ANO1: variants seen among roughly 807,000 people sequenced by gnomAD.
ANO1 encodes the protein anoctamin 1.
Under a neutral mutation model 124.0 loss-of-function variants are expected in ANO1, and 59 were observed. The ratio of observed to expected loss-of-function variants is 0.48; its 90% CI spans 0.39 to 0.59. The LOEUF is 0.59. ANO1 is among the 20% of genes least tolerant of loss of function. The pLI, the probability that ANO1 is intolerant of heterozygous loss-of-function variation, is 0.00. For synonymous variants in ANO1, 529 were observed against 532.0 expected, an observed-to-expected ratio of 0.99 and a Z score of 0.08; for missense variants, 1,059 against 1,328.0, an observed-to-expected ratio of 0.80 and a Z score of 3.15.
chr11:69,976,275 C>A, the ANO1 span, among the ~76,000 whole-genome samples: 5 of 152,012 alleles, frequency 3.3e-5, no homozygotes, highest in African/African-American at 1.2e-4. Context: ...TTTGGGAGGC[C>A]AGGGCGGGCG....
chr11:69,969,171 C>A, the ANO1 span, among the ~76,000 whole-genome samples: 2 of 152,162 alleles, frequency 1.3e-5, no homozygotes, highest in African/African-American at 4.8e-5. Flanking sequence ...ACGGGAGGGT[C>A]CCTCATAGGG....
chr11:70,153,617 G>C (rs1471794781), intron 14 of ANO1, among the ~76,000 whole-genome samples: 1 of 152,188 alleles, frequency 6.6e-6, no homozygotes, highest in Non-Finnish European at 1.5e-5. Context: ...ATGAGGGTGA[G>C]ACATGTTTTG....
At chr11:70,170,033 C>T (rs758603990) in intron 21 of ANO1, 36 of 396,390 alleles carry the variant, frequency 9.1e-5, no homozygotes, top group South Asian at 6.6e-4. Context: ...AGAGGCAGCT[C>T]CCGGGTGGGA....
At chr11:70,145,467 T>C (rs2047333056) in intron 11 of ANO1, among the ~76,000 whole-genome samples, 1 of 152,166 alleles carries the variant, frequency 6.6e-6, no homozygotes, top group South Asian at 2.1e-4. Context: ...CTTTATTTTT[T>C]AAACGTGTCT....
chr11:70,120,454 C>T (rs146872431), intron 8 of ANO1, among the ~76,000 whole-genome samples: 2,349 of 152,202 alleles, frequency 0.015, 74 homozygotes, highest in African/African-American at 0.053. Flanking sequence ...ACCACCTGGG[C>T]CCTGTTGGGG....
intron 11 of ANO1, among the ~76,000 whole-genome samples, chr11:70,136,322 G>A (rs570610006): frequency 1.3e-5 from 2 of 152,152 alleles, no homozygotes; most frequent in African/African-American, 2.4e-5. Context: ...GCAGGAACCC[G>A]CACCAGTCAA....
rs540551294 is a variant in ANO1, at chr11:70,095,346, AAAAGAAAGAAAGAAAG to A, written c.441+7330_441+7345del. The stretch of plus-strand genomic sequence containing the variant: ...GAAAGAAAGAAAGGAAAGAGAAAGA[AAAAGAAAGAAAGAAAG>A]AAAGAAAGAAAGAAAGAAAGAAAGA... On this transcript the variant is annotated intron_variant, in intron 2 of 25. Coordinates refer to ENST00000355303, the MANE Select transcript of ANO1 (RefSeq NM_018043.7). Among the ~76,000 whole-genome samples the A allele has an allele frequency of 7.2e-3, 757 of 104,570 alleles. 28 individuals carry two copies. The highest frequency in any genetic ancestry group is 0.012 in the East Asian group (41 of 3,462). The allele number at this position is 104,570 out of a possible 152,430, so 68.6% of individuals were successfully genotyped here. A position where few individuals can be genotyped will look rare whatever the true frequency, so the allele number is the denominator to read the frequency against.
chr11:70,155,326 C>G (rs1376300432), intron 14 of ANO1, among the ~76,000 whole-genome samples: 3 of 152,238 alleles, frequency 2.0e-5, no homozygotes, highest in Non-Finnish European at 4.4e-5. Context: ...GCTCTCTGAT[C>G]ACATGAAAGC....
chr11:70,050,506 G>A (rs782726564), intron 1 of ANO1, among the ~76,000 whole-genome samples: 7 of 151,960 alleles, frequency 4.6e-5, no homozygotes, highest in East Asian at 3.9e-4. Flanking sequence ...CAACTTCCCC[G>A]CTCCCTGTGC....
intron 24 of ANO1, among the ~76,000 whole-genome samples, chr11:70,183,815 GGCCCTATC>G: frequency 6.6e-6 from 1 of 152,312 alleles, no homozygotes; most frequent in East Asian, 1.9e-4. Flanking sequence ...CGTAGGCAAG[GGCCCTATC>G]TGTTGTGCAC....
chr11:70,161,821 G>C, intron 18 of ANO1, 88 bp downstream of exon 18: 1 of 1,329,510 alleles, frequency 7.5e-7, no homozygotes, highest in Non-Finnish European at 1.1e-6. Context: ...GGCACCTGGA[G>C]CCCAGGGCAG....
intron 1 of ANO1, among the ~76,000 whole-genome samples, chr11:69,990,343 G>A (rs922948092): frequency 3.3e-5 from 5 of 152,168 alleles, no homozygotes; most frequent in African/African-American, 1.2e-4. Flanking sequence ...GTTTTATGGA[G>A]GAATAATGTT....
intron 20 of ANO1, among the ~76,000 whole-genome samples, chr11:70,165,811 A>C (rs1428784909): frequency 6.6e-6 from 1 of 152,152 alleles, no homozygotes; most frequent in East Asian, 1.9e-4. Flanking sequence ...ATTTGAGCCT[A>C]GGAAATCAAG....
At chr11:69,992,629 C>T (rs892464838) in intron 1 of ANO1, among the ~76,000 whole-genome samples, 1 of 152,290 alleles carries the variant, frequency 6.6e-6, no homozygotes. Flanking sequence ...TGGCTCCAAC[C>T]TAGGTCCTCA....
In ANO1 at chr11:70,126,097, C is replaced by T. The variant is rs1409431990; in HGVS notation, c.999C>T (p.Ala333=). 1.2e-6 allele frequency: 2 copies of T among 1,612,468 alleles called. No individual in the cohort carries two copies. The highest frequency in any genetic ancestry group is 1.7e-5 in the Admixed American group (1 of 59,870). The part of the protein sequence containing the change: ...YFGEKIGLYF[A]WLGVYTQMLI... ...GGGAGAAGATCGGCCTGTACTTCGC[C>T]TGGCTGGGCGTGTACACCCAGATGC... The change falls in exon 10 of 26, where the codon GCC becomes GCT. Residue 333 remains alanine, a synonymous_variant. Coordinates refer to ENST00000355303, the MANE Select transcript of ANO1 (RefSeq NM_018043.7).
intron 1 of ANO1, among the ~76,000 whole-genome samples, chr11:70,061,724 C>T (rs1857582833): frequency 6.6e-6 from 1 of 152,096 alleles, no homozygotes; most frequent in Non-Finnish European, 1.5e-5. Flanking sequence ...GCAGAGCTCC[C>T]CATGATGCTT....
intron 1 of ANO1, among the ~76,000 whole-genome samples, chr11:70,083,822 C>T (rs1166800996): frequency 6.6e-6 from 1 of 152,200 alleles, no homozygotes; most frequent in African/African-American, 2.4e-5. Context: ...CTCCGGGGTC[C>T]TGCCATCCAG....
chr11:70,016,189 A>G (rs1409296395), intron 1 of ANO1, among the ~76,000 whole-genome samples: 5 of 151,778 alleles, frequency 3.3e-5, no homozygotes, highest in Non-Finnish European at 7.4e-5. Context: ...CACCACGCCC[A>G]GCTAATTTTT....
intron 1 of ANO1, among the ~76,000 whole-genome samples, chr11:70,034,703 G>A (rs1857063969): frequency 6.6e-6 from 1 of 152,150 alleles, no homozygotes; most frequent in Admixed American, 6.5e-5. Flanking sequence ...AAATCCCTGT[G>A]AGGATGAGCA....
Sources: allele counts gnomAD v4.1 joint callset (sites outside exome capture counted in the v4.1 genomes callset), GRCh38; gene constraint gnomAD v4.1.1; transcripts MANE v1.5; gene names NCBI Gene and HGNC (gene_info 2026-07-23, HGNC 2026-07-21).